UBALD1: variants seen among roughly 807,000 people sequenced by gnomAD.
UBALD1 encodes the protein UBA-like domain-containing protein 1.
UBALD1 carries 5 observed loss-of-function variants against 16.1 expected under a neutral mutation model. That is an observed-to-expected ratio of 0.31 (90% CI 0.16 to 0.66). UBALD1 has a LOEUF of 0.66. UBALD1 is among the 30% of genes least tolerant of loss of function. UBALD1 has a pLI of 0.77. For missense variants in UBALD1, 220 were observed against 252.8 expected (o/e 0.87, Z 0.88); for synonymous variants, 146 against 105.3 (o/e 1.39, Z -2.37).
Position 4,609,824 on chromosome 16 carries a change from C to G in UBALD1, c.343G>C (p.Ala115Pro). The G allele has an allele frequency of 6.6e-7, 1 of 1,520,894 alleles. No individual in the cohort carries two copies. Among genetic ancestry groups the G allele is most frequent in the Non-Finnish European group, 8.8e-7 (1 of 1,135,444 alleles). The allele number at this position is 1,520,894 out of a possible 1,614,324, so 94.2% of individuals were successfully genotyped here. A position where few individuals can be genotyped will look rare whatever the true frequency, so the allele number is the denominator to read the frequency against. The change falls in exon 3 of 3, where the codon GCC becomes CCC. Residue 115 changes from alanine to proline, a missense_variant. Ala to Pro is a conservative substitution (Grantham distance 27). Around this residue, in one of 2 missense-constraint regions of UBALD1, gnomAD observed 151 missense variants for 132.6 expected, o/e 1.14. Coordinates refer to ENST00000283474, the MANE Select transcript of UBALD1 (RefSeq NM_145253.3). Reference protein sequence around the residue: ...TSPPPHFPHAATSSSAASSWP... With the variant: ...TSPPPHFPHAPTSSSAASSWP... ...CTGGAGGCCGCAGAGCTGCTGGTGG[C>G]GGCATGGGGGAAGTGTGGCGGGGGT...
chr16:4,614,176 T>A (rs1002156891), intron 1 of UBALD1: 1 of 249,352 alleles, frequency 4.0e-6, no homozygotes, highest in Admixed American at 5.5e-5. Context: ...ACCTCCCCGG[T>A]GCCCGGCCGA....
chr16:4,610,613 CT>C, intron 1 of UBALD1, 58 bp from the exon 2 acceptor site: 1 of 1,565,284 alleles, frequency 6.4e-7, no homozygotes, highest in South Asian at 1.2e-5. Flanking sequence ...TGCCGCTGCC[CT>C]TGTTCCCAGG....
At chr16:4,610,049 A>C in intron 2 of UBALD1, 66 bp from the exon 3 acceptor site, 1 of 1,228,190 alleles carries the variant, frequency 8.1e-7, no homozygotes, top group Non-Finnish European at 1.2e-6. Context: ...ACTGCCTCCC[A>C]AGGGGAGATG....
In UBALD1 at chr16:4,614,711, C is replaced by T. The variant is rs1198697973; in HGVS notation, c.87G>A (p.Lys29=). The T allele has an allele frequency of 1.3e-6, 2 of 1,558,680 alleles. No homozygotes were observed. Among genetic ancestry groups the T allele is most frequent in the African/African-American group, 1.4e-5 (1 of 70,376 alleles). Residue 29 remains lysine, a synonymous_variant, in exon 1 of 3, where the codon AAG becomes AAA. Coordinates refer to ENST00000283474, the MANE Select transcript of UBALD1 (RefSeq NM_145253.3). ...GCCAGTGGGCCGCCTGCAGCAGTTGCTTCGCCTGGTCGGCCGCGCAGCCCG... is the reference window on the plus strand; with the variant it reads ...GCCAGTGGGCCGCCTGCAGCAGTTGTTTCGCCTGGTCGGCCGCGCAGCCCG... ...LTAGCAADQA[K]QLLQAAHWQF... is the part of the protein sequence containing the mutation.
chr16:4,614,471 C>T (rs1282307315), intron 1 of UBALD1: 2 of 772,788 alleles, frequency 2.6e-6, no homozygotes, highest in Non-Finnish European at 3.7e-6. Context: ...GGCGTATCCC[C>T]GACCGGTGGC....
chr16:4,609,990 G>C lies in UBALD1; in HGVS notation c.184-7C>G. ...TATTGGCGGGGGTGCACATCTGTGA[G>C]GGGAAGAGAGGAGAGATGGGGTGAG... On this transcript the variant is annotated splice_polypyrimidine_tract_variant and splice_region_variant and intron_variant, in intron 2 of 2. Transcript: ENST00000283474. 6.4e-7 allele frequency: 1 copy of C among 1,566,760 alleles called. No individual in the cohort carries two copies. The highest frequency in any genetic ancestry group is 8.7e-7 in the Non-Finnish European group (1 of 1,151,702).
Position 4,614,731 on chromosome 16 carries a change from A to G in UBALD1, c.67T>C (p.Cys23Arg). The G allele has an allele frequency of 6.4e-7, 1 of 1,558,878 alleles. No individual in the cohort carries two copies. Among genetic ancestry groups the G allele is most frequent in the Non-Finnish European group, 8.7e-7 (1 of 1,155,184 alleles). The change falls in exon 1 of 3, where the codon TGC becomes CGC. Residue 23 changes from cysteine to arginine, a missense_variant. This residue lies in a region of UBALD1 where 69 missense variants were observed against 120.3 expected (regional missense o/e 0.57). Coordinates refer to ENST00000283474, the MANE Select transcript of UBALD1 (RefSeq NM_145253.3). ...MINQFVLTAG[C>R]AADQAKQLLQ... ...AGTTGCTTCGCCTGGTCGGCCGCGCAGCCCGCCGTCAGCACGAACTGGTTG... is the reference window on the plus strand; with the variant it reads ...AGTTGCTTCGCCTGGTCGGCCGCGCGGCCCGCCGTCAGCACGAACTGGTTG...
intron 1 of UBALD1, 79 bp downstream of exon 1, chr16:4,614,599 C>T (rs1897402654): frequency 7.8e-7 from 1 of 1,285,274 alleles, no homozygotes; most frequent in Non-Finnish European, 9.8e-7. Context: ...GCGTCCACGC[C>T]GTCCGCCCCC....
At chr16:4,612,256 G>A (rs182208642) in intron 1 of UBALD1, among the ~76,000 whole-genome samples, 8 of 152,084 alleles carry the variant, frequency 5.3e-5, no homozygotes, top group Admixed American at 3.9e-4. Flanking sequence ...TAGAGATGGG[G>A]TTTCACCATG....
At chr16:4,610,422 G>C in intron 2 of UBALD1, 71 bp downstream of exon 2, 1 of 1,503,304 alleles carries the variant, frequency 6.7e-7, no homozygotes, top group Non-Finnish European at 9.0e-7. Context: ...GGGGCCAGGG[G>C]CTGCTTATAC....
intron 1 of UBALD1, among the ~76,000 whole-genome samples, chr16:4,611,881 C>T (rs538723319): frequency 1.3e-5 from 2 of 152,072 alleles, no homozygotes. Context: ...CGGGGCCCTG[C>T]CAAGTCCCAG....
rs758308812 is a variant in UBALD1 at position 4,609,589 on chromosome 16, C to T, written c.*44G>A. 10 of 902,142 alleles carry T rather than the reference C, an allele frequency of 1.1e-5. No homozygotes were observed. Among genetic ancestry groups the T allele is most frequent in the East Asian group, 8.6e-5 (3 of 34,802 alleles). The allele number at this position is 902,142 out of a possible 1,614,324, so 55.9% of individuals were successfully genotyped here. A position where few individuals can be genotyped will look rare whatever the true frequency, so the allele number is the denominator to read the frequency against. ...GGGCCCGCAGAGACGTCCTCTCCCC[C>T]GCCCCACGGGGTCCTGGCCTCCGGG... On this transcript the variant is annotated 3_prime_UTR_variant, in exon 3 of 3. Transcript: ENST00000283474.
rs537537204 is a variant in UBALD1, at chr16:4,609,182, C to T, written c.*451G>A. ...TAGGTTGCTTCTGAAGAGCGACACACGTAGAAATACACAGACACGGCCACG... is the reference window on the plus strand; with the variant it reads ...TAGGTTGCTTCTGAAGAGCGACACATGTAGAAATACACAGACACGGCCACG... On this transcript the variant is annotated 3_prime_UTR_variant, in exon 3 of 3. Coordinates refer to ENST00000283474, the MANE Select transcript of UBALD1 (RefSeq NM_145253.3). 30 of 156,978 alleles carry T rather than the reference C, an allele frequency of 1.9e-4. No individual in the cohort carries two copies. Among genetic ancestry groups the T allele is most frequent in the South Asian group, 1.6e-3 (8 of 4,880 alleles). The allele number at this position is 156,978 out of a possible 1,614,324, so 9.7% of individuals were successfully genotyped here.
rs145534310 is a variant in UBALD1 at position 4,610,337 on chromosome 16, C to T, written c.183+156G>A. 439 of 776,312 alleles carry T rather than the reference C, an allele frequency of 5.7e-4. 2 individuals carry two copies. The African/African-American group carries it at 6.6e-3, about 12-fold the overall frequency. 48.1% of individuals were successfully genotyped at this position (776,312 alleles called of 1,614,324 possible). On this transcript the variant is annotated intron_variant, in intron 2 of 2. Transcript: ENST00000283474. ...GGCACAGGCAAGATTAAGTGCAGGA[C>T]CCACGGAGCCGGGACTCCTGCTGAC...
Position 4,609,581 on chromosome 16 carries a change from C to G in UBALD1, c.*52G>C, listed in dbSNP as rs1596545985. On this transcript the variant is annotated 3_prime_UTR_variant, in exon 3 of 3. Transcript: ENST00000283474. ...GGTGAAGGGGGCCCGCAGAGACGTCCTCTCCCCCGCCCCACGGGGTCCTGG... is the reference window on the plus strand; with the variant it reads ...GGTGAAGGGGGCCCGCAGAGACGTCGTCTCCCCCGCCCCACGGGGTCCTGG... 1.1e-5 allele frequency: 9 copies of G among 823,646 alleles called. No homozygotes were observed. In the East Asian group the frequency reaches 2.6e-4, roughly 24 times the overall value. 51.0% of individuals were successfully genotyped at this position (823,646 alleles called of 1,614,324 possible). A position where few individuals can be genotyped will look rare whatever the true frequency, so the allele number is the denominator to read the frequency against.
chr16:4,614,231 G>A (rs1030719440), intron 1 of UBALD1: 5 of 333,466 alleles, frequency 1.5e-5, no homozygotes, highest in Admixed American at 4.9e-5. Context: ...ACATGGACGT[G>A]TGCGCACGCC....
At chr16:4,613,920 G>T in intron 1 of UBALD1, 1 of 152,662 alleles carries the variant, frequency 6.6e-6, no homozygotes. Flanking sequence ...GCCAGCCCCA[G>T]GAGAGCACCT....
At chr16:4,610,955 G>C (rs1897351615) in intron 1 of UBALD1, 1 of 397,748 alleles carries the variant, frequency 2.5e-6, no homozygotes, top group Non-Finnish European at 4.4e-6. Context: ...CCCGTTTCAG[G>C]AGATTCTAGC....
chr16:4,611,780 C>G (rs1478269105), intron 1 of UBALD1, among the ~76,000 whole-genome samples: 1 of 152,198 alleles, frequency 6.6e-6, no homozygotes, highest in Non-Finnish European at 1.5e-5. Flanking sequence ...TGGCTGAGGC[C>G]CTGCAGGGGT....
Sources: allele counts gnomAD v4.1 joint callset (sites outside exome capture counted in the v4.1 genomes callset), GRCh38; gene constraint gnomAD v4.1.1; regional missense constraint gnomAD v4.1.1; transcripts MANE v1.5; gene names NCBI Gene and HGNC (gene_info 2026-07-23, HGNC 2026-07-21).